Variants in SNTG1 observed in about 807,000 individuals in gnomAD.
SNTG1 encodes gamma-1-syntrophin.
SNTG1 carries 39 observed loss-of-function variants against 74.7 expected under a neutral mutation model. That is an observed-to-expected ratio of 0.52 (90% CI 0.40 to 0.68). SNTG1 has a LOEUF of 0.68. SNTG1 is among the 30% of genes least tolerant of loss of function. The pLI, the probability that SNTG1 is intolerant of heterozygous loss-of-function variation, is 0.00. For missense variants in SNTG1, 685 were observed against 609.5 expected (o/e 1.12, Z -1.30); for synonymous variants, 254 against 217.1 (o/e 1.17, Z -1.49).
chr8:50,323,146 T>C (rs1025833926), intron 2 of SNTG1, among the ~76,000 whole-genome samples: 1 of 151,518 alleles, frequency 6.6e-6, no homozygotes, highest in Admixed American at 6.6e-5. Context: ...CATTCTTCAA[T>C]ATGTCATTTG....
intron 18 of SNTG1, among the ~76,000 whole-genome samples, chr8:50,788,787 C>A (rs1014366496): frequency 1.3e-5 from 2 of 151,978 alleles, no homozygotes; most frequent in Admixed American, 6.6e-5. Context: ...AGCAAAGCTA[C>A]ACACTACCAA....
At chr8:50,397,297 T>C (rs1210637267) in intron 3 of SNTG1, among the ~76,000 whole-genome samples, 2 of 152,192 alleles carry the variant, frequency 1.3e-5, no homozygotes, top group Non-Finnish European at 2.9e-5. Context: ...AAGAAGAAGA[T>C]TCATGTCTTT....
At chr8:50,762,687 C>T (rs544918008) in intron 18 of SNTG1, 20 of 476,080 alleles carry the variant, frequency 4.2e-5, no homozygotes, top group African/African-American at 1.8e-4. Flanking sequence ...GTCTTCTACC[C>T]GAAGAGACCA....
At chr8:50,282,476 A>G (rs1257805451) in intron 2 of SNTG1, among the ~76,000 whole-genome samples, 3 of 152,204 alleles carry the variant, frequency 2.0e-5, no homozygotes, top group Non-Finnish European at 4.4e-5. Context: ...CAACAAATTT[A>G]CTCAATTTAT....
intron 9 of SNTG1, among the ~76,000 whole-genome samples, chr8:50,518,425 A>C (rs2094151714): frequency 6.6e-6 from 1 of 152,116 alleles, no homozygotes; most frequent in Admixed American, 6.6e-5. Context: ...ACAAATTTAA[A>C]AGCTAGCAGA....
chr8:50,696,649 A>G (rs150476700), intron 15 of SNTG1, among the ~76,000 whole-genome samples: 3 of 152,158 alleles, frequency 2.0e-5, no homozygotes, highest in African/African-American at 7.2e-5. Flanking sequence ...CATTTTCTGC[A>G]TATGGCCATC....
At chr8:50,484,130 TTCTTTCC>T (rs1408679965) in intron 8 of SNTG1, among the ~76,000 whole-genome samples, 5 of 114,572 alleles carry the variant, frequency 4.4e-5, no homozygotes, top group South Asian at 7.3e-4. Context: ...CTTTCTTTCT[TTCTTTCC>T]TTCTTTCTTT....
At chr8:50,261,283 C>T (rs542337434) in intron 2 of SNTG1, among the ~76,000 whole-genome samples, 41 of 152,134 alleles carry the variant, frequency 2.7e-4, no homozygotes, top group African/African-American at 9.9e-4. Flanking sequence ...GAATTCTCAT[C>T]GATTTAGAAT....
intron 12 of SNTG1, among the ~76,000 whole-genome samples, chr8:50,576,736 A>T (rs1471674002): frequency 6.6e-6 from 1 of 152,002 alleles, no homozygotes; most frequent in Non-Finnish European, 1.5e-5. Context: ...TATAAATAAA[A>T]ATTTTAAGTT....
At chr8:50,129,909 T>C (rs950459406) in intron 1 of SNTG1, among the ~76,000 whole-genome samples, 1 of 152,068 alleles carries the variant, frequency 6.6e-6, no homozygotes, top group Non-Finnish European at 1.5e-5. Context: ...AAGTACTGGA[T>C]CCACAGGCGT....
chr8:49,989,098 A>G (rs768975971), intron 1 of SNTG1, among the ~76,000 whole-genome samples: 1 of 151,946 alleles, frequency 6.6e-6, no homozygotes, highest in Non-Finnish European at 1.5e-5. Flanking sequence ...ATGTATCCAG[A>G]GTCACTAAAA....
intron 1 of SNTG1, among the ~76,000 whole-genome samples, chr8:50,105,462 A>T (rs1183104385): frequency 6.6e-6 from 1 of 151,718 alleles, no homozygotes; most frequent in Non-Finnish European, 1.5e-5. Context: ...GAGTAACATG[A>T]TGTCTTCAGC....
At chr8:50,734,082 AT>A (rs1196185338) in intron 17 of SNTG1, among the ~76,000 whole-genome samples, 1 of 151,654 alleles carries the variant, frequency 6.6e-6, no homozygotes, top group Non-Finnish European at 1.5e-5. Flanking sequence ...ACTTTAAAAT[AT>A]TTTTTCCAAA....
At chr8:50,010,785 CTTTTTTT>C (rs774350614) in intron 1 of SNTG1, among the ~76,000 whole-genome samples, 4 of 89,154 alleles carry the variant, frequency 4.5e-5, no homozygotes, top group South Asian at 3.8e-4. Flanking sequence ...ACAGGCCTCT[CTTTTTTT>C]TTTTTTTTTT....
chr8:50,294,954 C>G (rs1436472225), intron 2 of SNTG1, among the ~76,000 whole-genome samples: 1 of 152,126 alleles, frequency 6.6e-6, no homozygotes, highest in African/African-American at 2.4e-5. Flanking sequence ...CTCCATCCAA[C>G]ACCACATCAC....
chr8:50,763,183 G>GT (rs1375944443), intron 18 of SNTG1, among the ~76,000 whole-genome samples: 1 of 151,832 alleles, frequency 6.6e-6, no homozygotes, highest in Admixed American at 6.6e-5. Context: ...GGGGACAGTG[G>GT]TTTTCCCCAA....
intron 2 of SNTG1, among the ~76,000 whole-genome samples, chr8:50,373,784 T>C (rs969634836): frequency 6.6e-5 from 10 of 152,204 alleles, no homozygotes; most frequent in Non-Finnish European, 5.9e-5. Flanking sequence ...CTGTTCATGG[T>C]GACAATAACT....
chr8:50,681,408 A>T (rs184676280), intron 15 of SNTG1, among the ~76,000 whole-genome samples: 1 of 152,004 alleles, frequency 6.6e-6, no homozygotes, highest in African/African-American at 2.4e-5. Flanking sequence ...TTCATAATCC[A>T]TTTTTCCAGT....
intron 2 of SNTG1, among the ~76,000 whole-genome samples, chr8:50,317,145 TTTGGTAATCTCA>T (rs2090347559): frequency 6.6e-6 from 1 of 152,122 alleles, no homozygotes; most frequent in Non-Finnish European, 1.5e-5. Context: ...TTAAGAGAAA[TTTGGTAATCTCA>T]TTAGCCTTTT....
Sources: gnomAD v4.1 joint callset for allele counts (sites outside exome capture counted in the v4.1 genomes callset) on GRCh38, gnomAD v4.1.1 for gene constraint, MANE v1.5 for transcripts, NCBI Gene and HGNC (gene_info 2026-07-23, HGNC 2026-07-21) for gene names.